Variants in RAPH1 observed in about 807,000 individuals in gnomAD.
RAPH1 encodes the protein ras-associated and pleckstrin homology domains-containing protein 1.
In RAPH1, 18 loss-of-function variants were observed where a neutral mutation model predicts 88.1. That is an observed-to-expected ratio of 0.20 (90% confidence interval 0.14 to 0.30). RAPH1 has a LOEUF of 0.30. Among genes scored for constraint, RAPH1 ranks in the 10% least tolerant of loss-of-function variants. The pLI, the probability that RAPH1 is intolerant of heterozygous loss-of-function variation, is 1.00. For synonymous variants in RAPH1, 587 were observed against 559.0 expected, an observed-to-expected ratio of 1.05 and a Z score of -0.71; for missense variants, 1,448 against 1,543.2, an observed-to-expected ratio of 0.94 and a Z score of 1.03.
rs577105923 is a variant in RAPH1 at position 203,530,019 on chromosome 2, T to C, written c.-1+5092A>G. Among the ~76,000 whole-genome samples the C allele has an allele frequency of 2.6e-5, 4 of 152,356 alleles. No individual in the cohort carries two copies. The South Asian group carries it at 8.3e-4, about 32-fold the overall frequency. ...TGGAGAACAGAATACCTATCTTAGA[T>C]TTCTCTATTATGCCTAGCTCTGCTT... On this transcript the variant is annotated intron_variant, in intron 1 of 13. Coordinates refer to ENST00000319170, the MANE Select transcript of RAPH1 (RefSeq NM_213589.3).
rs575245528 is a variant in RAPH1, at chr2:203,457,463, C to T, written c.1158+67G>A. The T allele has an allele frequency of 3.5e-4, 453 of 1,284,614 alleles. 3 individuals are homozygous for T. The highest frequency in any genetic ancestry group is 1.4e-4 in the East Asian group (6 of 43,456). The allele number at this position is 1,284,614 out of a possible 1,614,324, so 79.6% of individuals were successfully genotyped here. A position where few individuals can be genotyped will look rare whatever the true frequency, so the allele number is the denominator to read the frequency against. On this transcript the variant is annotated intron_variant, in intron 8 of 13. Transcript: ENST00000319170. Reference sequence around the variant, plus strand: ...CCTCCCGAAGTGTTGGGATTGCAGGCGTGAGCCACCATGCCTGGCCTAATA... The same window carrying T: ...CCTCCCGAAGTGTTGGGATTGCAGGTGTGAGCCACCATGCCTGGCCTAATA...
intron 1 of RAPH1, among the ~76,000 whole-genome samples, chr2:203,511,110 A>G (rs1288688456): frequency 2.0e-5 from 3 of 152,052 alleles, no homozygotes; most frequent in Non-Finnish European, 4.4e-5. Flanking sequence ...TCCACACCCA[A>G]CTAGATTGCA....
chr2:203,481,568 A>AATATATATATATATATAT (rs60650703), intron 4 of RAPH1, among the ~76,000 whole-genome samples: 13 of 138,106 alleles, frequency 9.4e-5, no homozygotes, highest in African/African-American at 3.0e-4. Flanking sequence ...TAAATAGATG[A>AATATATATATATATATAT]ATATATATAT....
chr2:203,488,922 G>A (rs1315545356), intron 4 of RAPH1, among the ~76,000 whole-genome samples: 1 of 152,042 alleles, frequency 6.6e-6, no homozygotes, highest in Admixed American at 6.5e-5. Flanking sequence ...TCAGGAGTTC[G>A]AGACCAGCCT....
At chr2:203,451,130 C>T (rs1377471231) in intron 10 of RAPH1, among the ~76,000 whole-genome samples, 1 of 152,104 alleles carries the variant, frequency 6.6e-6, no homozygotes, top group Non-Finnish European at 1.5e-5. Flanking sequence ...TCATTACTTT[C>T]CTTATGGTCA....
intron 1 of RAPH1, among the ~76,000 whole-genome samples, chr2:203,519,856 C>T (rs1157542605): frequency 6.6e-6 from 1 of 152,180 alleles, no homozygotes; most frequent in East Asian, 1.9e-4. Flanking sequence ...TCAGGCAATT[C>T]TCCAGTATCA....
intron 1 of RAPH1, among the ~76,000 whole-genome samples, chr2:203,516,489 C>T (rs1689612671): frequency 6.6e-6 from 1 of 152,218 alleles, no homozygotes; most frequent in African/African-American, 2.4e-5. Flanking sequence ...ATGGCTCACG[C>T]CTGTAATCCC....
chr2:203,501,658 TTAA>T (rs1688743914), intron 1 of RAPH1, among the ~76,000 whole-genome samples: 1 of 151,300 alleles, frequency 6.6e-6, no homozygotes, highest in South Asian at 2.1e-4. Context: ...AGTAGATGAG[TTAA>T]AAAAAAAAGT....
chr2:203,499,771 C>G (rs1391044041), intron 1 of RAPH1, among the ~76,000 whole-genome samples: 1 of 152,134 alleles, frequency 6.6e-6, no homozygotes, highest in African/African-American at 2.4e-5. Context: ...TTAGGTCCTA[C>G]AACATTTCTT....
intron 10 of RAPH1, among the ~76,000 whole-genome samples, chr2:203,453,545 C>CA (rs59304139): frequency 0.042 from 1,192 of 28,326 alleles, 239 homozygotes; most frequent in Non-Finnish European, 0.05. Flanking sequence ...GACCCTGCCT[C>CA]AAAAAAAAAA....
intron 1 of RAPH1, among the ~76,000 whole-genome samples, chr2:203,495,846 A>C (rs1399732397): frequency 6.6e-6 from 1 of 152,138 alleles, no homozygotes; most frequent in Non-Finnish European, 1.5e-5. Flanking sequence ...ACAAAACAAA[A>C]ATCTTAATCT....
chr2:203,449,247 G>C (rs1226315762), intron 10 of RAPH1, among the ~76,000 whole-genome samples: 1 of 152,186 alleles, frequency 6.6e-6, no homozygotes, highest in East Asian at 1.9e-4. Context: ...CCAAATCAGA[G>C]AGGGACTTTG....
rs1020946840 is a variant in RAPH1 at position 203,470,119 on chromosome 2, T to C, written c.733-8194A>G. ...TAATTACCATCTGTAAAAGAAAAAG[T>C]ATATTAATGACAAAGATGCTAGAGT... On this transcript the variant is annotated intron_variant, in intron 4 of 13. Coordinates refer to ENST00000319170, the MANE Select transcript of RAPH1 (RefSeq NM_213589.3). 1.5e-5 allele frequency: 9 copies of C among 609,646 alleles called. No individual in the cohort carries two copies. In the African/African-American group the frequency reaches 1.7e-4, roughly 12 times the overall value. 37.8% of individuals were successfully genotyped at this position (609,646 alleles called of 1,614,324 possible).
chr2:203,463,688 G>A (rs1477560890), intron 4 of RAPH1, among the ~76,000 whole-genome samples: 3 of 152,282 alleles, frequency 2.0e-5, no homozygotes, highest in Admixed American at 1.3e-4. Context: ...GGGCTAAGAC[G>A]AGACTGAATT....
intron 1 of RAPH1, 143 bp from the exon 2 acceptor site, chr2:203,495,496 A>C: frequency 1.3e-6 from 1 of 786,478 alleles, no homozygotes; most frequent in East Asian, 2.7e-5. Context: ...AGAAAATCTT[A>C]AGTCATTAAT....
rs1208350091 is a variant in RAPH1 at position 203,470,210 on chromosome 2, T to C, written c.733-8285A>G. 6 of 1,468,446 alleles carry C rather than the reference T, an allele frequency of 4.1e-6. No homozygotes were observed. In the African/African-American group the frequency reaches 5.6e-5, roughly 14 times the overall value. The allele number at this position is 1,468,446 out of a possible 1,614,324, so 91.0% of individuals were successfully genotyped here. A position where few individuals can be genotyped will look rare whatever the true frequency, so the allele number is the denominator to read the frequency against. Reference sequence around the variant, plus strand: ...CATATTCTACCTACAAGGCAGTAAATAGTTACATGCATGTGGAAGAAGTAT... The same window carrying C: ...CATATTCTACCTACAAGGCAGTAAACAGTTACATGCATGTGGAAGAAGTAT... On this transcript the variant is annotated intron_variant, in intron 4 of 13. Coordinates refer to ENST00000319170, the MANE Select transcript of RAPH1 (RefSeq NM_213589.3).
In RAPH1 at chr2:203,454,474, G is replaced by T; in HGVS notation, c.1369C>A (p.Arg457=). The T allele has an allele frequency of 6.2e-7, 1 of 1,613,450 alleles. No individual in the cohort carries two copies. Among genetic ancestry groups the T allele is most frequent in the South Asian group, 1.1e-5 (1 of 90,970 alleles). ...TCTGTAGGTGCTTTGTATTTGTTCC[G>T]ATAGTCCTGGCCATAATAAACGTTG... is the stretch of plus-strand genomic sequence containing the variant. The part of the protein sequence containing the change: ...HVNVYYGQDY[R]NKYKAPTDYC... Residue 457 remains arginine (R), a synonymous_variant, in exon 10 of 14, where the codon CGG becomes AGG. Transcript: ENST00000319170.
chr2:203,472,401 A>G (rs183182062), intron 4 of RAPH1, among the ~76,000 whole-genome samples: 3 of 152,214 alleles, frequency 2.0e-5, no homozygotes, highest in Non-Finnish European at 4.4e-5. Context: ...CAAAGTGCTG[A>G]GATTATAGGC....
Position 203,440,865 on chromosome 2 carries a change from G to T in RAPH1, c.2325C>A (p.Pro775=). 1 of 1,504,046 alleles carries T rather than the reference G, an allele frequency of 6.6e-7. No individual in the cohort carries two copies. Among genetic ancestry groups the T allele is most frequent in the Non-Finnish European group, 9.1e-7 (1 of 1,104,786 alleles). The allele number at this position is 1,504,046 out of a possible 1,614,324, so 93.2% of individuals were successfully genotyped here. The change falls in exon 14 of 14, where the codon CCC becomes CCA. Residue 775 remains proline, a synonymous_variant. Transcript: ENST00000319170. The part of the protein sequence containing the change: ...PPPPIPAPLP[P]QAPPKPLVTI... ...TCACAAGGGGTTTTGGGGGAGCTTG[G>T]GGAGGGAGGGGTGCAGGGATAGGAG...
Sources: allele counts gnomAD v4.1 joint callset (sites outside exome capture counted in the v4.1 genomes callset), GRCh38; gene constraint gnomAD v4.1.1; transcripts MANE v1.5; gene names NCBI Gene and HGNC (gene_info 2026-07-23, HGNC 2026-07-21).